Variants in ATP2B3 observed in about 807,000 individuals in gnomAD.
ATP2B3 encodes the protein plasma membrane calcium-transporting ATPase 3.
In ATP2B3, 12 loss-of-function variants were observed where a neutral mutation model predicts 70.8. The ratio of observed to expected loss-of-function variants is 0.17; its 90% confidence interval spans 0.11 to 0.27. ATP2B3 has a LOEUF of 0.27. Ranked by LOEUF, ATP2B3 falls within the 10% of genes least tolerant of loss-of-function variation. The pLI is 1.00. For missense variants in ATP2B3, 858 were observed against 1,118.5 expected (o/e 0.77, Z 3.32); for synonymous variants, 460 against 497.8 (o/e 0.92, Z 1.01).
At chrX:153,556,471 C>A (rs1447516950) in intron 15 of ATP2B3, 53 bp downstream of exon 15, 1 of 1,117,756 alleles carries the variant, frequency 8.9e-7, no homozygotes, top group East Asian at 3.2e-5. Context: ...AGGTTGTCTG[C>A]TTCCTGACAC....
intron 8 of ATP2B3, among the ~76,000 whole-genome samples, chrX:153,547,257 A>T (rs1557009133): frequency 9.1e-6 from 1 of 110,428 alleles, no homozygotes; most frequent in Non-Finnish European, 1.9e-5. Flanking sequence ...ACACACCACC[A>T]CCATGTCGAG....
chrX:153,569,680 G>A, intron 21 of ATP2B3: 1 of 1,211,424 alleles, frequency 8.3e-7, no homozygotes, highest in East Asian at 3.0e-5. Flanking sequence ...TCCTCAGCCA[G>A]CTTCATGACG....
chrX:153,565,604 A>T (rs1284802723), intron 21 of ATP2B3, among the ~76,000 whole-genome samples: 1 of 112,349 alleles, frequency 8.9e-6, no homozygotes, highest in Non-Finnish European at 1.9e-5. Context: ...TGGTCATCCA[A>T]ATCACCAAGG....
intron 13 of ATP2B3, among the ~76,000 whole-genome samples, chrX:153,554,074 ACACT>A (rs782190634): frequency 8.8e-6 from 1 of 113,796 alleles, no homozygotes; most frequent in East Asian, 2.8e-4. Context: ...TGTAGCAAAA[ACACT>A]CAATTCAAAG....
At chrX:153,523,848 A>C (rs1556998764) in intron 2 of ATP2B3, among the ~76,000 whole-genome samples, 2 of 109,569 alleles carry the variant, frequency 1.8e-5, no homozygotes, top group African/African-American at 6.7e-5. Context: ...GGGGCCCGCC[A>C]CCACACCCGG....
chrX:153,541,756 T>C lies in ATP2B3; in HGVS notation c.494T>C (p.Ile165Thr). 1 of 1,211,588 alleles carries C rather than the reference T, an allele frequency of 8.3e-7. No homozygotes were observed. The change falls in exon 5 of 22, where the codon ATC (isoleucine) becomes ACC (threonine). Residue 165 changes from isoleucine (I) to threonine (T), a missense_variant. This residue lies in a region of ATP2B3 where 278 missense variants were observed against 366.2 expected (regional missense o/e 0.76). Coordinates refer to ENST00000263519, the MANE Select transcript of ATP2B3 (RefSeq NM_001001344.3). ...IEGAAILLSV[I>T]CVVLVTAFND... Reference sequence around the variant, plus strand: ...GGGGCTGCCATCCTGCTGTCCGTCATCTGTGTGGTGCTGGTCACGGCCTTC... The same window carrying C: ...GGGGCTGCCATCCTGCTGTCCGTCACCTGTGTGGTGCTGGTCACGGCCTTC...
At chrX:153,552,266 G>A (rs782678301) in intron 12 of ATP2B3, among the ~76,000 whole-genome samples, 3 of 112,410 alleles carry the variant, frequency 2.7e-5, no homozygotes, top group East Asian at 2.8e-4. Context: ...TCTCTGGGGA[G>A]GGGTGTGAGG....
chrX:153,547,554 G>C (rs1416155211), intron 8 of ATP2B3, among the ~76,000 whole-genome samples: 1 of 111,676 alleles, frequency 9.0e-6, no homozygotes, highest in Admixed American at 9.4e-5. Context: ...CAGTCACCCT[G>C]TCTGTGTGCC....
At chrX:153,545,531 C>T (rs1442992855) in intron 7 of ATP2B3, among the ~76,000 whole-genome samples, 3 of 112,667 alleles carry the variant, frequency 2.7e-5, no homozygotes, top group Non-Finnish European at 3.8e-5. Context: ...ATTAACTGGG[C>T]GTGGTGGTGT....
chrX:153,565,153 A>G, intron 21 of ATP2B3, 50 bp downstream of exon 21: 1 of 1,128,006 alleles, frequency 8.9e-7, no homozygotes, highest in Non-Finnish European at 1.2e-6. Context: ...AAGAGGGTAG[A>G]GGCAAGCTGG....
chrX:153,544,639 C>T (rs1242010656), intron 7 of ATP2B3, among the ~76,000 whole-genome samples: 2 of 111,831 alleles, frequency 1.8e-5, no homozygotes, highest in African/African-American at 3.3e-5. Flanking sequence ...CCGTCTCTCC[C>T]GCCCCATCCC....
rs188903691 is a variant in ATP2B3 at position 153,525,276 on chromosome X, C to T, written c.-127+6725C>T. On this transcript the variant is annotated intron_variant, in intron 2 of 21. Transcript: ENST00000263519. ...CCGGCGTTTCAAATCAAACCCTGAA[C>T]CGGGTTAAGGCGCATGGAGTGGCCG... Among the ~76,000 whole-genome samples the T allele has an allele frequency of 2.7e-5, 3 of 112,506 alleles. No individual in the cohort carries two copies. The East Asian group carries it at 8.4e-4, about 31-fold the overall frequency.
At chrX:153,545,335 C>T (rs373110398) in intron 7 of ATP2B3, among the ~76,000 whole-genome samples, 18 of 113,048 alleles carry the variant, frequency 1.6e-4, no homozygotes, top group East Asian at 5.6e-4. Flanking sequence ...GACCTGAAAG[C>T]GCCCCGCAGA....
At chrX:153,538,997 G>A (rs928985822) in intron 3 of ATP2B3, among the ~76,000 whole-genome samples, 7 of 112,783 alleles carry the variant, frequency 6.2e-5, no homozygotes, top group Admixed American at 2.8e-4. Context: ...AGAGAGACTC[G>A]CATGGAGGCT....
In ATP2B3 at chrX:153,543,072, A is replaced by C; in HGVS notation, c.820A>C (p.Met274Leu). The C allele has an allele frequency of 8.2e-7, 1 of 1,212,127 alleles. No individual in the cohort carries two copies. The highest frequency in any genetic ancestry group is 1.7e-5 in the African/African-American group (1 of 58,020). Reference sequence around the variant, plus strand: ...TCATGTCATGGAAGGTTCTGGAAGAATGGTGGTGACCGCCGTTGGCGTGAA... The same window carrying C: ...TCATGTCATGGAAGGTTCTGGAAGACTGGTGGTGACCGCCGTTGGCGTGAA... ...GTHVMEGSGR[M>L]VVTAVGVNSQ... is the part of the protein sequence containing the mutation. The change falls in exon 7 of 22, where the codon ATG becomes CTG. Residue 274 changes from methionine to leucine, a missense_variant. By Grantham distance (15) the Met-to-Leu change is conservative (BLOSUM62 2). Around this residue, in one of 5 missense-constraint regions of ATP2B3, gnomAD observed 278 missense variants for 366.2 expected, o/e 0.76. Coordinates refer to ENST00000263519, the MANE Select transcript of ATP2B3 (RefSeq NM_001001344.3).
intron 21 of ATP2B3, among the ~76,000 whole-genome samples, chrX:153,574,339 C>A (rs2090828413): frequency 8.9e-6 from 1 of 112,435 alleles, no homozygotes; most frequent in South Asian, 3.7e-4. Flanking sequence ...GCTCTAAATT[C>A]AAAGCTCAGA....
At chrX:153,548,545 C>G (rs182232992) in intron 9 of ATP2B3, 95 bp from the exon 10 acceptor site, 42 of 821,601 alleles carry the variant, frequency 5.1e-5, no homozygotes, top group Non-Finnish European at 7.3e-5. Flanking sequence ...ACAAATGCCT[C>G]CGAGACCGTG....
intron 2 of ATP2B3, among the ~76,000 whole-genome samples, chrX:153,526,068 G>A (rs1166829262): frequency 3.5e-5 from 4 of 112,774 alleles, no homozygotes; most frequent in African/African-American, 6.4e-5. Flanking sequence ...TAGCACAATC[G>A]TGGGAGGGGG....
intron 2 of ATP2B3, among the ~76,000 whole-genome samples, chrX:153,519,767 T>C (rs1425914762): frequency 1.8e-5 from 2 of 112,272 alleles, no homozygotes; most frequent in African/African-American, 3.2e-5. Flanking sequence ...CCAGGTGGTT[T>C]GAGTGCAGGA....
Sources: allele counts gnomAD v4.1 joint callset (sites outside exome capture counted in the v4.1 genomes callset), GRCh38; gene constraint gnomAD v4.1.1; regional missense constraint gnomAD v4.1.1; transcripts MANE v1.5; gene names NCBI Gene and HGNC (gene_info 2026-07-23, HGNC 2026-07-21).